Variants in ARHGAP12 observed in about 807,000 individuals in gnomAD.
ARHGAP12 encodes the protein rho GTPase-activating protein 12.
ARHGAP12 carries 64 observed loss-of-function variants against 108.6 expected under a neutral mutation model. The observed-to-expected ratio is 0.59, with a 90% confidence interval of 0.48 to 0.73. The LOEUF is 0.73. ARHGAP12 is among the 30% of genes least tolerant of loss of function. ARHGAP12 has a pLI of 0.00. For missense variants in ARHGAP12, 940 were observed against 1,005.9 expected (o/e 0.93, Z 0.89); for synonymous variants, 312 against 337.2 (o/e 0.93, Z 0.82).
At chr10:31,896,957 T>C (rs187317304) in intron 3 of ARHGAP12, among the ~76,000 whole-genome samples, 166 of 140,818 alleles carry the variant, frequency 1.2e-3, no homozygotes, top group African/African-American at 3.9e-3. Flanking sequence ...ACCCTGGAGC[T>C]ATAAACTGGA....
intron 3 of ARHGAP12, among the ~76,000 whole-genome samples, chr10:31,892,365 C>A (rs919549576): frequency 1.3e-5 from 2 of 152,070 alleles, no homozygotes; most frequent in Admixed American, 1.3e-4. Flanking sequence ...TCAGGAGACC[C>A]AACTCACGTG....
At chr10:31,921,558 G>A (rs1315943228) in intron 1 of ARHGAP12, among the ~76,000 whole-genome samples, 1 of 151,646 alleles carries the variant, frequency 6.6e-6, no homozygotes. Context: ...GAGGTCAGGA[G>A]TTCGATACCA....
rs192524104 is a variant in ARHGAP12 at position 31,868,514 on chromosome 10, T to C, written c.685-6856A>G. 2.6e-3 allele frequency among the ~76,000 whole-genome samples: 395 copies of C among 152,122 alleles called. 11 individuals carry two copies. The highest frequency in any genetic ancestry group is 0.021 in the Admixed American group (325 of 15,286). ...ACAATAGTATTGACCCTATAGAAACTAGTGTTTTTTCACAGGAAGTCAATG... is the reference window on the plus strand; with the variant it reads ...ACAATAGTATTGACCCTATAGAAACCAGTGTTTTTTCACAGGAAGTCAATG... On this transcript the variant is annotated intron_variant, in intron 3 of 19. Coordinates refer to ENST00000344936, the MANE Select transcript of ARHGAP12 (RefSeq NM_018287.7).
intron 10 of ARHGAP12, 129 bp downstream of exon 10, chr10:31,831,610 A>G (rs897866116): frequency 3.6e-6 from 2 of 556,030 alleles, no homozygotes; most frequent in Non-Finnish European, 6.0e-6. Context: ...TCTTACATAT[A>G]TGATTACATA....
chr10:31,886,994 T>A (rs1341393209), intron 3 of ARHGAP12, among the ~76,000 whole-genome samples: 1 of 152,204 alleles, frequency 6.6e-6, no homozygotes, highest in East Asian at 1.9e-4. Context: ...TGTGTATTAG[T>A]CAAGAGTTCT....
At chr10:31,877,040 C>T (rs890886911) in intron 3 of ARHGAP12, among the ~76,000 whole-genome samples, 1 of 152,164 alleles carries the variant, frequency 6.6e-6, no homozygotes, top group East Asian at 1.9e-4. Flanking sequence ...GTCCCAAATG[C>T]TTGTTCTTTT....
intron 9 of ARHGAP12, among the ~76,000 whole-genome samples, chr10:31,836,022 T>C (rs932390788): frequency 1.3e-5 from 2 of 152,100 alleles, no homozygotes; most frequent in African/African-American, 4.8e-5. Flanking sequence ...TTTATCTGAA[T>C]AAAAATAAAA....
chr10:31,871,683 C>A (rs1837548072), intron 3 of ARHGAP12, among the ~76,000 whole-genome samples: 1 of 152,172 alleles, frequency 6.6e-6, no homozygotes, highest in Non-Finnish European at 1.5e-5. Flanking sequence ...TCAATAACAG[C>A]TGCAAGCAGA....
At position 31,864,138 on chromosome 10, in the gene ARHGAP12, TA is replaced by T. The variant is rs571271479; in HGVS notation, c.685-2481del. ...AAATGAATTAAACTCATAAAATACG[TA>T]AAAGAAAAAAGAAACTGTCATTTGT... On this transcript the variant is annotated intron_variant, in intron 3 of 19. Coordinates refer to ENST00000344936, the MANE Select transcript of ARHGAP12 (RefSeq NM_018287.7). Among the ~76,000 whole-genome samples, 348 of 151,982 alleles carry T rather than the reference TA, an allele frequency of 2.3e-3. 1 individual carries two copies. The highest frequency in any genetic ancestry group is 7.6e-3 in the African/African-American group (317 of 41,492).
intron 3 of ARHGAP12, among the ~76,000 whole-genome samples, chr10:31,864,116 T>C (rs1440312709): frequency 1.3e-5 from 2 of 152,096 alleles, no homozygotes; most frequent in African/African-American, 4.8e-5. Flanking sequence ...ATACAAAAAA[T>C]GAATTAAACT....
At chr10:31,827,715 C>T (rs796973317) in intron 10 of ARHGAP12, among the ~76,000 whole-genome samples, 70 of 151,434 alleles carry the variant, frequency 4.6e-4, no homozygotes, top group African/African-American at 1.5e-3. Flanking sequence ...GGCGTGAACC[C>T]GGGAGGCAGA....
At chr10:31,895,519 A>G (rs1838642368) in intron 3 of ARHGAP12, among the ~76,000 whole-genome samples, 1 of 152,264 alleles carries the variant, frequency 6.6e-6, no homozygotes, top group Non-Finnish European at 1.5e-5. Context: ...CATCAGAGAA[A>G]TGCAAATCAA....
At chr10:31,861,718 T>C (rs1837125471) in intron 3 of ARHGAP12, 60 bp from the exon 4 acceptor site, 1 of 1,474,450 alleles carries the variant, frequency 6.8e-7, no homozygotes, top group African/African-American at 1.4e-5. Flanking sequence ...AAGTCAAAAT[T>C]AAATGAAACA....
intron 3 of ARHGAP12, among the ~76,000 whole-genome samples, chr10:31,878,205 C>CAA (rs33935703): frequency 6.6e-6 from 1 of 151,758 alleles, no homozygotes; most frequent in African/African-American, 2.4e-5. Context: ...AGTTGGAAAA[C>CAA]AGAATAAGTT....
chr10:31,847,225 T>G (rs1836495777), intron 6 of ARHGAP12, among the ~76,000 whole-genome samples: 1 of 152,202 alleles, frequency 6.6e-6, no homozygotes, highest in Non-Finnish European at 1.5e-5. Context: ...ACCAACCTAC[T>G]GATTGTCTTT....
intron 4 of ARHGAP12, among the ~76,000 whole-genome samples, chr10:31,857,607 T>TA (rs1836936115): frequency 6.6e-6 from 1 of 151,836 alleles, no homozygotes; most frequent in East Asian, 1.9e-4. Context: ...TCGCAGAAAA[T>TA]AAAAAACCTT....
intron 3 of ARHGAP12, among the ~76,000 whole-genome samples, chr10:31,906,243 T>TA (rs1839128599): frequency 6.6e-6 from 1 of 152,208 alleles, no homozygotes; most frequent in South Asian, 2.1e-4. Flanking sequence ...CCAACTAAGC[T>TA]GCTTCTGATT....
chr10:31,821,547 T>G (rs1835417911), intron 11 of ARHGAP12, among the ~76,000 whole-genome samples: 1 of 152,156 alleles, frequency 6.6e-6, no homozygotes, highest in African/African-American at 2.4e-5. Flanking sequence ...TCAAATTAAT[T>G]TGTCATTAGA....
intron 3 of ARHGAP12, among the ~76,000 whole-genome samples, chr10:31,904,897 G>C (rs141706201): frequency 1.3e-5 from 2 of 151,934 alleles, no homozygotes. Flanking sequence ...AAAAGTGCTG[G>C]GATTACAAGC....
Sources: allele counts gnomAD v4.1 joint callset (sites outside exome capture counted in the v4.1 genomes callset), GRCh38; gene constraint gnomAD v4.1.1; transcripts MANE v1.5; gene names NCBI Gene and HGNC (gene_info 2026-07-23, HGNC 2026-07-21).